Variants in PTPN22 observed in about 807,000 individuals in gnomAD.
PTPN22 encodes tyrosine-protein phosphatase non-receptor type 22.
Under a neutral mutation model 103.3 loss-of-function variants are expected in PTPN22, and 85 were observed. The ratio of observed to expected loss-of-function variants is 0.82; its 90% CI spans 0.69 to 0.99. The LOEUF is 0.99. Among genes scored for constraint, PTPN22 ranks in the 50% least tolerant of loss-of-function variants. The pLI is 0.00. For missense variants in PTPN22, 865 were observed against 936.9 expected (o/e 0.92, Z 1.00); for synonymous variants, 323 against 310.2 (o/e 1.04, Z -0.43).
At chr1:113,854,605 T>C in intron 8 of PTPN22, 68 bp from the exon 9 acceptor site, 1 of 1,471,452 alleles carries the variant, frequency 6.8e-7, no homozygotes, top group Non-Finnish European at 9.5e-7. Context: ...TGACAGTAGC[T>C]GGAAAATTTC....
At chr1:113,818,565 A>G (rs1290198276) in intron 20 of PTPN22, among the ~76,000 whole-genome samples, 1 of 152,240 alleles carries the variant, frequency 6.6e-6, no homozygotes, top group Non-Finnish European at 1.5e-5. Context: ...TGTGAAGATG[A>G]CACAGGGACT....
Position 113,849,598 on chromosome 1 carries a change from T to A in PTPN22, c.829-972A>T, listed in dbSNP as rs200034447. On this transcript the variant is annotated intron_variant, in intron 10 of 20. Coordinates refer to ENST00000359785, the Ensembl canonical transcript of PTPN22. ...TCTTTATTTATTTATTTATTTATTT[T>A]TTTTTTTGAGACACGGTCTCACCGT... Among the ~76,000 whole-genome samples, 81 of 149,870 alleles carry A rather than the reference T, an allele frequency of 5.4e-4. 1 individual carries two copies. In the South Asian group the frequency reaches 5.6e-3, roughly 10 times the overall value.
intron 8 of PTPN22, 64 bp downstream of exon 8, chr1:113,854,843 C>A: frequency 6.6e-7 from 1 of 1,512,324 alleles, no homozygotes; most frequent in Non-Finnish European, 9.0e-7. Flanking sequence ...TTCAATTACA[C>A]AGTCCTGGCC....
intron 1 of PTPN22, among the ~76,000 whole-genome samples, chr1:113,868,946 G>A (rs1025926117): frequency 6.6e-6 from 1 of 151,940 alleles, no homozygotes; most frequent in African/African-American, 2.4e-5. Context: ...AGATTTGGCT[G>A]GGCGTGGTGG....
chr1:113,832,659 A>G (rs565740142), intron 16 of PTPN22, among the ~76,000 whole-genome samples: 1 of 152,240 alleles, frequency 6.6e-6, no homozygotes, highest in Admixed American at 6.5e-5. Flanking sequence ...GGCAACTACC[A>G]CTTGTGATAA....
At chr1:113,854,075 C>A (rs1664840305) in intron 9 of PTPN22, among the ~76,000 whole-genome samples, 1 of 151,616 alleles carries the variant, frequency 6.6e-6, no homozygotes, top group East Asian at 1.9e-4. Flanking sequence ...ACCATGTTAG[C>A]CAAGATGGTC....
Position 113,859,098 on chromosome 1 carries a change from C to A in PTPN22, c.197-20G>T. ...AATCATCTATAATACAAAAGACAGA[C>A]ATAGTACAATTAAGAGGGCTTAGTC... On this transcript the variant is annotated intron_variant, in intron 2 of 20. Transcript: ENST00000359785. 6.2e-7 allele frequency: 1 copy of A among 1,612,136 alleles called. No homozygotes were observed. The highest frequency in any genetic ancestry group is 1.3e-5 in the African/African-American group (1 of 74,986).
At position 113,857,726 on chromosome 1, in the gene PTPN22, A is replaced by C. The variant is rs774788422; in HGVS notation, c.408+12T>G. 4 of 1,610,138 alleles carry C rather than the reference A, an allele frequency of 2.5e-6. No individual in the cohort carries two copies. On this transcript the variant is annotated intron_variant, in intron 5 of 20. Transcript: ENST00000359785. ...TTGTTTTAAGGTCAGCAGGTACTAGAAAGTAACTTACCTTTCCCATTTCAT... is the reference window on the plus strand; with the variant it reads ...TTGTTTTAAGGTCAGCAGGTACTAGCAAGTAACTTACCTTTCCCATTTCAT...
chr1:113,840,677 A>C (rs1663470416), intron 11 of PTPN22, among the ~76,000 whole-genome samples: 1 of 152,376 alleles, frequency 6.6e-6, no homozygotes, highest in African/African-American at 2.4e-5. Flanking sequence ...CAGTCAAAAC[A>C]ATCTTGAAAA....
At chr1:113,864,614 CAAA>C (rs34054118) in intron 1 of PTPN22, among the ~76,000 whole-genome samples, 12 of 70,898 alleles carry the variant, frequency 1.7e-4, no homozygotes, top group African/African-American at 1.8e-4. Context: ...GGCCCTGTCT[CAAA>C]AAAAAAAAAA....
In PTPN22 at chr1:113,852,021, T is replaced by A. The variant is rs1335585144; in HGVS notation, c.828+6A>T. The stretch of plus-strand genomic sequence containing the variant: ...CATGTTCTGATCCATTCACTATAGT[T>A]CATACCTGCGTTTGAACTAATGAAG... On this transcript the variant is annotated splice_donor_region_variant and intron_variant, in intron 10 of 20. Coordinates refer to ENST00000359785, the Ensembl canonical transcript of PTPN22. The A allele has an allele frequency of 1.3e-6, 2 of 1,597,992 alleles. No individual in the cohort carries two copies. The highest frequency in any genetic ancestry group is 2.2e-5 in the East Asian group (1 of 44,778).
At chr1:113,868,223 G>C (rs1400663893) in intron 1 of PTPN22, among the ~76,000 whole-genome samples, 1 of 152,104 alleles carries the variant, frequency 6.6e-6, no homozygotes, top group Non-Finnish European at 1.5e-5. Flanking sequence ...ACTGAAATCT[G>C]AACCATGGAC....
chr1:113,852,031 G>A (rs761731812), exon 10 of PTPN22: 17 of 1,604,472 alleles, frequency 1.1e-5, no homozygotes, highest in African/African-American at 5.4e-5. Flanking sequence ...TCATACCTGC[G>A]TTTGAACTAA....
At chr1:113,824,077 A>C (rs1353355844) in intron 19 of PTPN22, among the ~76,000 whole-genome samples, 2 of 151,780 alleles carry the variant, frequency 1.3e-5, no homozygotes, top group Non-Finnish European at 2.9e-5. Context: ...AAATGTATCA[A>C]AAATTTTTTT....
intron 19 of PTPN22, among the ~76,000 whole-genome samples, chr1:113,822,996 A>G (rs1435163090): frequency 6.6e-6 from 1 of 152,308 alleles, no homozygotes; most frequent in East Asian, 1.9e-4. Context: ...CTCATTCTAA[A>G]GTGGATCCCC....
chr1:113,833,757 C>G (rs1421764843), intron 15 of PTPN22, among the ~76,000 whole-genome samples: 1 of 152,134 alleles, frequency 6.6e-6, no homozygotes, highest in African/African-American at 2.4e-5. Context: ...AATCCACAAA[C>G]CCCTCCCACC....
intron 19 of PTPN22, chr1:113,823,164 C>T (rs1371469600): frequency 1.3e-5 from 2 of 152,192 alleles, no homozygotes; most frequent in Admixed American, 6.5e-5. Context: ...AAAGGCAGAG[C>T]CCATATCTGT....
chr1:113,843,099 C>CAAAAAA (rs71090738), intron 11 of PTPN22, among the ~76,000 whole-genome samples: 3 of 47,928 alleles, frequency 6.3e-5, no homozygotes, highest in African/African-American at 1.2e-4. Flanking sequence ...GACTCCGTCT[C>CAAAAAA]AAAAAAAAAA....
intron 18 of PTPN22, among the ~76,000 whole-genome samples, chr1:113,825,992 C>T (rs138998250): frequency 5.1e-4 from 77 of 152,128 alleles, no homozygotes; most frequent in African/African-American, 1.6e-3. Flanking sequence ...GGATTACAGG[C>T]GTGAGCCACC....
Sources: gnomAD v4.1 joint callset for allele counts (sites outside exome capture counted in the v4.1 genomes callset) on GRCh38, gnomAD v4.1.1 for gene constraint, MANE v1.5 for transcripts, NCBI Gene and HGNC (gene_info 2026-07-23, HGNC 2026-07-21) for gene names.